The following GRIN2B variants were observed in gnomAD, a reference collection of about 807,000 sequenced individuals.
GRIN2B encodes glutamate ionotropic receptor NMDA type subunit 2B, also known as glutamate receptor ionotropic, NMDA 2B.
In GRIN2B, 5 loss-of-function variants were observed where a neutral mutation model predicts 114.5. That is an observed-to-expected ratio of 0.04 (90% CI 0.02 to 0.09). The LOEUF (loss-of-function observed/expected upper bound fraction) is 0.09. GRIN2B is among the 10% of genes least tolerant of loss of function. GRIN2B has a pLI of 1.00. For missense variants in GRIN2B, 1,108 were observed against 1,943.5 expected, an observed-to-expected ratio of 0.57 and a Z score of 8.08; for synonymous variants, 787 against 745.1, an observed-to-expected ratio of 1.06 and a Z score of -0.92.
chr12:13,818,124 G>A (rs1468704385), intron 3 of GRIN2B, among the ~76,000 whole-genome samples: 1 of 152,178 alleles, frequency 6.6e-6, no homozygotes, highest in African/African-American at 2.4e-5. Flanking sequence ...TGTATGATAT[G>A]TTGATTTATA....
intron 2 of GRIN2B, among the ~76,000 whole-genome samples, chr12:13,867,894 CA>C (rs35373437): frequency 0.02 from 2,575 of 130,196 alleles, 28 homozygotes; most frequent in African/African-American, 0.043. Context: ...CTGCTTGTTT[CA>C]AAAAAAAAAA....
intron 2 of GRIN2B, among the ~76,000 whole-genome samples, chr12:13,916,737 T>TTGTGTGTG (rs57501769): frequency 0.03 from 4,241 of 139,866 alleles, 91 homozygotes; most frequent in Non-Finnish European, 0.039. Flanking sequence ...ACACACACAT[T>TTGTGTGTG]TGTGTGTGTG....
intron 4 of GRIN2B, among the ~76,000 whole-genome samples, chr12:13,731,953 G>T (rs962664917): frequency 6.6e-6 from 1 of 151,998 alleles, no homozygotes; most frequent in East Asian, 1.9e-4. Flanking sequence ...TACCTTTCAG[G>T]GTTCTCCATG....
intron 3 of GRIN2B, among the ~76,000 whole-genome samples, chr12:13,786,243 G>C (rs1864219213): frequency 6.6e-6 from 1 of 152,166 alleles, no homozygotes; most frequent in Admixed American, 6.5e-5. Flanking sequence ...GCTAGAGGGA[G>C]AAATTAAGCC....
rs987330199 is a variant in GRIN2B, at chr12:13,564,735, G to C, written c.2599-96C>G. 5 of 1,087,260 alleles carry C rather than the reference G, an allele frequency of 4.6e-6. No homozygotes were observed. In the Admixed American group the frequency reaches 6.8e-5, roughly 15 times the overall value. 67.4% of individuals were successfully genotyped at this position (1,087,260 alleles called of 1,614,324 possible). ...ACCAATAATTGCTCCAACTGGATAA[G>C]AAAAAGGGAAAGCATGAAGCGAATA... On this transcript the variant is annotated intron_variant, in intron 13 of 13. Coordinates refer to ENST00000609686, the MANE Select transcript of GRIN2B (RefSeq NM_000834.5). The surrounding 1 kb of genome is among the most constrained non-coding windows in gnomAD (Gnocchi z 4.8).
chr12:13,805,843 G>C (rs553702548), intron 3 of GRIN2B, among the ~76,000 whole-genome samples: 1 of 152,004 alleles, frequency 6.6e-6, no homozygotes, highest in Non-Finnish European at 1.5e-5. Context: ...ATTTATTCAC[G>C]TGGTCTAACT....
At chr12:13,636,790 G>T (rs1565484611) in intron 5 of GRIN2B, among the ~76,000 whole-genome samples, 2 of 152,138 alleles carry the variant, frequency 1.3e-5, no homozygotes, top group South Asian at 4.1e-4. Context: ...GTGATGAACT[G>T]TATGACCTCT....
At chr12:13,618,468 C>A (rs1949473569) in intron 5 of GRIN2B, among the ~76,000 whole-genome samples, 1 of 152,084 alleles carries the variant, frequency 6.6e-6, no homozygotes, top group South Asian at 2.1e-4. Flanking sequence ...TCTTTTCCAT[C>A]TTTATTGCTA....
At chr12:13,693,094 G>C (rs527989330) in intron 4 of GRIN2B, among the ~76,000 whole-genome samples, 137 of 152,094 alleles carry the variant, frequency 9.0e-4, no homozygotes, top group African/African-American at 3.2e-3. Flanking sequence ...TATACATATA[G>C]CTCACATTTA....
At chr12:13,853,026 G>A (rs1398572120) in intron 3 of GRIN2B, among the ~76,000 whole-genome samples, 1 of 152,150 alleles carries the variant, frequency 6.6e-6, no homozygotes, top group Non-Finnish European at 1.5e-5. Flanking sequence ...CACACCTGCT[G>A]TTCTCTCTGC....
At chr12:13,944,661 A>C (rs939173394) in intron 2 of GRIN2B, among the ~76,000 whole-genome samples, 1 of 152,234 alleles carries the variant, frequency 6.6e-6, no homozygotes, top group African/African-American at 2.4e-5. Context: ...AATGAGCATC[A>C]GAAAAGTGCA....
In GRIN2B at chr12:13,564,019, G is replaced by T; in HGVS notation, c.3219C>A (p.Ile1073=). ...ISTHTVTYGN[I]EGNAAKRRKQ... The stretch of plus-strand genomic sequence containing the variant: ...TACGCCTCTTGGCGGCATTGCCCTC[G>T]ATGTTCCCATAGGTGACGGTGTGGG... The change falls in exon 14 of 14, where the codon ATC becomes ATA. Residue 1073 remains isoleucine (I), a synonymous_variant. Transcript: ENST00000609686. This position sits in a 1 kb window ranked among gnomAD's most constrained non-coding sequence, Gnocchi z 4.8. 1 of 1,614,222 alleles carries T rather than the reference G, an allele frequency of 6.2e-7. No homozygotes were observed. The highest frequency in any genetic ancestry group is 1.3e-5 in the African/African-American group (1 of 75,064).
chr12:13,889,703 T>C (rs1237382751), intron 2 of GRIN2B, among the ~76,000 whole-genome samples: 1 of 152,196 alleles, frequency 6.6e-6, no homozygotes, highest in African/African-American at 2.4e-5. Context: ...GAAACTATCA[T>C]GCTGTCAACC....
intron 4 of GRIN2B, among the ~76,000 whole-genome samples, chr12:13,700,253 T>C (rs1213980698): frequency 6.6e-6 from 1 of 152,142 alleles, no homozygotes; most frequent in Non-Finnish European, 1.5e-5. Flanking sequence ...GGAGGTCAAA[T>C]ACCATCCCCC....
chr12:13,650,106 A>T (rs1227844990), intron 5 of GRIN2B, among the ~76,000 whole-genome samples: 1 of 152,008 alleles, frequency 6.6e-6, no homozygotes. Context: ...CAGAAAGAGG[A>T]AGAAATCTCT....
chr12:13,825,320 T>C (rs1303938963), intron 3 of GRIN2B, among the ~76,000 whole-genome samples: 1 of 151,778 alleles, frequency 6.6e-6, no homozygotes, highest in African/African-American at 2.4e-5. Context: ...ACTCATTTGA[T>C]AGAATAAGAC....
At position 13,880,938 on chromosome 12, in the gene GRIN2B, T is replaced by C. The variant is rs1179550214; in HGVS notation, c.-18-14712A>G. Among the ~76,000 whole-genome samples the C allele has an allele frequency of 3.3e-5, 5 of 152,362 alleles. No homozygotes were observed. In the East Asian group the frequency reaches 9.6e-4, roughly 29 times the overall value. ...TTGAGACCTCGCATCTGGAGGCAGC[T>C]TTGTTTCAGTTTTCAAATTCTCTTG... On this transcript the variant is annotated intron_variant, in intron 2 of 13. Transcript: ENST00000609686.
At chr12:13,681,845 T>C (rs1322698479) in intron 4 of GRIN2B, among the ~76,000 whole-genome samples, 1 of 152,188 alleles carries the variant, frequency 6.6e-6, no homozygotes, top group Non-Finnish European at 1.5e-5. Context: ...GCTATAATTC[T>C]GTTATTATTA....
intron 3 of GRIN2B, among the ~76,000 whole-genome samples, chr12:13,853,812 T>C (rs576986215): frequency 6.6e-6 from 1 of 152,368 alleles, no homozygotes; most frequent in South Asian, 2.1e-4. Context: ...AATACTTTTC[T>C]CTTAATTGCA....
Sources: allele counts gnomAD v4.1 joint callset (sites outside exome capture counted in the v4.1 genomes callset), GRCh38; gene constraint gnomAD v4.1.1; non-coding constraint Gnocchi (gnomAD v3.1); transcripts MANE v1.5; gene names NCBI Gene and HGNC (gene_info 2026-07-23, HGNC 2026-07-21).